The following OTUD7A variants were observed in gnomAD, a reference collection of about 807,000 sequenced individuals.
OTUD7A encodes the protein OTU domain-containing protein 7A.
In OTUD7A, 12 loss-of-function variants were observed where a neutral mutation model predicts 65.7. The ratio of observed to expected loss-of-function variants is 0.18; its 90% CI spans 0.12 to 0.30. The LOEUF is 0.30. OTUD7A is among the 10% of genes least tolerant of loss of function. The pLI is 1.00. For missense variants in OTUD7A, 1,148 were observed against 1,304.8 expected (o/e 0.88, Z 1.85); for synonymous variants, 641 against 586.3 (o/e 1.09, Z -1.35).
At chr15:31,726,447 G>C (rs1424230925) in intron 1 of OTUD7A, among the ~76,000 whole-genome samples, 1 of 151,720 alleles carries the variant, frequency 6.6e-6, no homozygotes, top group Non-Finnish European at 1.5e-5. Context: ...AAAATCCCTT[G>C]AACAGTGTAG....
intron 5 of OTUD7A, among the ~76,000 whole-genome samples, chr15:31,552,354 G>A (rs923454810): frequency 6.6e-6 from 1 of 152,198 alleles, no homozygotes; most frequent in Non-Finnish European, 1.5e-5. Context: ...CACCACAGGT[G>A]CTCAATGTTT....
At chr15:31,748,307 A>G (rs1217429298) in intron 1 of OTUD7A, among the ~76,000 whole-genome samples, 2 of 147,072 alleles carry the variant, frequency 1.4e-5, no homozygotes, top group East Asian at 1.9e-4. Context: ...AATGGTTCAG[A>G]AAAAAAACTC....
At chr15:31,634,474 A>C (rs12914768) in intron 3 of OTUD7A, among the ~76,000 whole-genome samples, 43,771 of 152,024 alleles carry the variant, frequency 0.29, 7,460 homozygotes, top group African/African-American at 0.47. Context: ...CCTGCCAGCA[A>C]GCCACAGCAC....
intron 1 of OTUD7A, among the ~76,000 whole-genome samples, chr15:31,845,782 A>G (rs1897280650): frequency 6.6e-6 from 1 of 152,246 alleles, no homozygotes; most frequent in African/African-American, 2.4e-5. Flanking sequence ...AGCACTTGCC[A>G]GGGAGGGCCT....
chr15:31,793,188 A>G (rs8024107), intron 1 of OTUD7A, among the ~76,000 whole-genome samples: 3,874 of 152,188 alleles, frequency 0.025, 149 homozygotes, highest in African/African-American at 0.088. Context: ...AATGCGGCAG[A>G]ACTTGCTCTT....
chr15:31,730,806 G>A (rs191915286), intron 1 of OTUD7A, among the ~76,000 whole-genome samples: 19 of 152,264 alleles, frequency 1.2e-4, no homozygotes, highest in African/African-American at 3.4e-4. Flanking sequence ...CTGAGCCCAC[G>A]GCCAATACAG....
At chr15:31,808,034 GGGCCAGAAGAGA>G (rs1896315765) in intron 1 of OTUD7A, among the ~76,000 whole-genome samples, 2 of 151,090 alleles carry the variant, frequency 1.3e-5, no homozygotes, top group South Asian at 4.2e-4. Flanking sequence ...CATAGAGGAG[GGGCCAGAAGAGA>G]GAAAACCCCA....
At chr15:31,840,162 G>A (rs1166896374) in intron 1 of OTUD7A, among the ~76,000 whole-genome samples, 1 of 152,152 alleles carries the variant, frequency 6.6e-6, no homozygotes, top group African/African-American at 2.4e-5. Context: ...GCTCACACCT[G>A]TAATCTCAGC....
At chr15:31,591,419 T>A (rs1363808410) in intron 3 of OTUD7A, among the ~76,000 whole-genome samples, 1 of 152,146 alleles carries the variant, frequency 6.6e-6, no homozygotes, top group African/African-American at 2.4e-5. Flanking sequence ...CATTTAATTT[T>A]GATTTGTAAA....
rs755978182 is a variant in OTUD7A at position 31,484,088 on chromosome 15, C to G, written c.2008G>C (p.Glu670Gln). 1.9e-6 allele frequency: 3 copies of G among 1,598,980 alleles called. No individual in the cohort carries two copies. The highest frequency in any genetic ancestry group is 2.7e-5 in the African/African-American group (2 of 74,864). Residue 670 changes from glutamate to glutamine, a missense_variant, in exon 13 of 13, where the codon GAG becomes CAG. By Grantham distance (29) the Glu-to-Gln change is conservative. Coordinates refer to ENST00000307050, the MANE Select transcript of OTUD7A (RefSeq NM_001382637.1). The surrounding 1 kb of genome is among the most constrained non-coding windows in gnomAD (Gnocchi z 4.5). ...TGCTCCTGCTCGGCGCTGAAGCGCT[C>G]CTGCGCGCTCGTCAGGTAGTAGCCG... ...MIGYYLTSAQERFSAEQEQRR... is the reference protein window; with the variant it reads ...MIGYYLTSAQQRFSAEQEQRR...
intron 1 of OTUD7A, among the ~76,000 whole-genome samples, chr15:31,781,154 G>C (rs1895528566): frequency 6.6e-6 from 1 of 152,160 alleles, no homozygotes; most frequent in South Asian, 2.1e-4. Flanking sequence ...GCTCAGGACT[G>C]CTAGGATCAA....
chr15:31,501,920 A>G (rs2041473309), intron 9 of OTUD7A, 81 bp from the exon 10 acceptor site: 1 of 1,461,004 alleles, frequency 6.8e-7, no homozygotes, highest in Non-Finnish European at 9.3e-7. Flanking sequence ...CCTGTCCCTC[A>G]CTACCCCGGG....
At position 31,803,550 on chromosome 15, in the gene OTUD7A, T is replaced by C. The variant is rs548192672; in HGVS notation, c.-100+66957A>G. ...CTGAGAACACTGGGGGAAGCACCCT[T>C]TTCAAGGCCTCAGCTAGCAGGAGCT... On this transcript the variant is annotated intron_variant, in intron 1 of 12. Coordinates refer to ENST00000307050, the MANE Select transcript of OTUD7A (RefSeq NM_001382637.1). Among the ~76,000 whole-genome samples, 3 of 152,264 alleles carry C rather than the reference T, an allele frequency of 2.0e-5. No homozygotes were observed. The East Asian group carries it at 5.8e-4, about 29-fold the overall frequency.
chr15:31,814,017 C>T (rs987070971), intron 1 of OTUD7A, among the ~76,000 whole-genome samples: 14 of 152,142 alleles, frequency 9.2e-5, no homozygotes, highest in South Asian at 2.1e-4. Flanking sequence ...AAAAAAGAAA[C>T]GGTGAGAGCA....
chr15:31,586,150 G>A (rs534439489), intron 3 of OTUD7A, among the ~76,000 whole-genome samples: 2 of 152,184 alleles, frequency 1.3e-5, no homozygotes, highest in East Asian at 1.9e-4. Context: ...CCATTTATCT[G>A]GTTTCTTTCC....
chr15:31,717,138 TG>T (rs779874812), intron 1 of OTUD7A, among the ~76,000 whole-genome samples: 1 of 152,194 alleles, frequency 6.6e-6, no homozygotes, highest in Non-Finnish European at 1.5e-5. Flanking sequence ...TGTAACAAAA[TG>T]GTTGTTTTCT....
At chr15:31,595,839 G>A (rs1478373469) in intron 3 of OTUD7A, among the ~76,000 whole-genome samples, 1 of 152,130 alleles carries the variant, frequency 6.6e-6, no homozygotes, top group Non-Finnish European at 1.5e-5. Flanking sequence ...TTCCTTGCAG[G>A]CTGTCAGCTG....
In OTUD7A at chr15:31,708,974, G is replaced by T. The variant is rs148442048; in HGVS notation, c.-99-51897C>A. On this transcript the variant is annotated intron_variant, in intron 1 of 12. Coordinates refer to ENST00000307050, the MANE Select transcript of OTUD7A (RefSeq NM_001382637.1). ...AGATGTGAAAGTGACAGCAGTCGAG[G>T]AGTAGATTACACTCTGCTCCTCTTT... 3.8e-3 allele frequency among the ~76,000 whole-genome samples: 575 copies of T among 151,648 alleles called. 1 individual carries two copies. Among genetic ancestry groups the T allele is most frequent in the Middle Eastern group, 0.01 (3 of 294 alleles).
chr15:31,531,036 A>C (rs1364858321), intron 5 of OTUD7A, among the ~76,000 whole-genome samples: 2 of 152,230 alleles, frequency 1.3e-5, no homozygotes, highest in African/African-American at 4.8e-5. Flanking sequence ...AAGAAACTCA[A>C]GGCCAGCACC....
Sources: gnomAD v4.1 joint callset for allele counts (sites outside exome capture counted in the v4.1 genomes callset) on GRCh38, gnomAD v4.1.1 for gene constraint, Gnocchi (gnomAD v3.1) non-coding constraint, MANE v1.5 for transcripts, NCBI Gene and HGNC (gene_info 2026-07-23, HGNC 2026-07-21) for gene names.